The following PRKN variants were observed in gnomAD, a reference collection of about 807,000 sequenced individuals.
The protein encoded by PRKN is parkin RBR E3 ubiquitin protein ligase, also known as E3 ubiquitin-protein ligase parkin.
A neutral mutation model predicts 59.5 loss-of-function variants in PRKN; 56 were observed. The observed-to-expected ratio is 0.94, with a 90% CI of 0.76 to 1.18. The LOEUF is 1.18. PRKN is among the 50% of genes most tolerant of loss of function. The pLI, the probability that PRKN is intolerant of heterozygous loss-of-function variation, is 0.00. For missense variants in PRKN, 657 were observed against 596.4 expected, an observed-to-expected ratio of 1.10 and a Z score of -1.06; for synonymous variants, 250 against 222.1, an observed-to-expected ratio of 1.13 and a Z score of -1.12.
At chr6:161,866,506 C>T (rs148313416) in intron 6 of PRKN, among the ~76,000 whole-genome samples, 1,772 of 152,016 alleles carry the variant, frequency 0.012, 33 homozygotes, top group African/African-American at 0.041. Flanking sequence ...ACCCGGGAGG[C>T]GGAGCTTGCA....
chr6:162,701,896 A>G (rs1163075920), intron 1 of PRKN, among the ~76,000 whole-genome samples: 1 of 151,538 alleles, frequency 6.6e-6, no homozygotes, highest in Non-Finnish European at 1.5e-5. Context: ...CCCCCCCGAC[A>G]AAATGAAACC....
At chr6:161,863,038 T>C (rs973414929) in intron 6 of PRKN, among the ~76,000 whole-genome samples, 1 of 152,164 alleles carries the variant, frequency 6.6e-6, no homozygotes, top group Admixed American at 6.5e-5. Context: ...TCAAGCTGCT[T>C]TTGTGTTCAT....
rs138376973 is a variant in PRKN at position 161,846,079 on chromosome 6, G to C, written c.735-60171C>G. ...CCTCATCTAACAAAAGATAAAAATA[G>C]GCTCCAAGGCTGTTATGCTGAGAGT... is the stretch of plus-strand genomic sequence containing the variant. On this transcript the variant is annotated intron_variant, in intron 6 of 11. Transcript: ENST00000366898. 3.1e-3 allele frequency among the ~76,000 whole-genome samples: 467 copies of C among 152,232 alleles called. 1 individual carries two copies. Among genetic ancestry groups the C allele is most frequent in the Admixed American group, 6.7e-3 (103 of 15,296 alleles).
intron 9 of PRKN, among the ~76,000 whole-genome samples, chr6:161,519,440 T>C (rs900208781): frequency 6.6e-6 from 1 of 151,990 alleles, no homozygotes; most frequent in Non-Finnish European, 1.5e-5. Context: ...ATTTGATTAG[T>C]ATCAGGGTAG....
chr6:161,467,806 T>G lies in PRKN; in HGVS notation c.1084-80929A>C, dbSNP rs1790557168. Reference sequence around the variant, plus strand: ...TGATCAGTGAGCTGTGAGTAGAGGGTTTCCTGGGGATTCCAGGGAGCTACA... The same window carrying G: ...TGATCAGTGAGCTGTGAGTAGAGGGGTTCCTGGGGATTCCAGGGAGCTACA... On this transcript the variant is annotated intron_variant, in intron 9 of 11. Transcript: ENST00000366898. This position sits in a 1 kb window ranked among gnomAD's most constrained non-coding sequence, Gnocchi z 4.3. 6.6e-6 allele frequency among the ~76,000 whole-genome samples: 1 copy of G among 152,200 alleles called. No individual in the cohort carries two copies. Among genetic ancestry groups the G allele is most frequent in the Non-Finnish European group, 1.5e-5 (1 of 68,010 alleles).
intron 1 of PRKN, among the ~76,000 whole-genome samples, chr6:162,497,795 G>A (rs1397760797): frequency 6.6e-6 from 1 of 152,162 alleles, no homozygotes; most frequent in African/African-American, 2.4e-5. Flanking sequence ...AAAGAGGTTG[G>A]TTAATGGAAG....
intron 3 of PRKN, among the ~76,000 whole-genome samples, chr6:162,239,370 T>C (rs1778889962): frequency 6.6e-6 from 1 of 152,198 alleles, no homozygotes; most frequent in Non-Finnish European, 1.5e-5. Context: ...TTTAACTATT[T>C]TGTAATGCAA....
intron 7 of PRKN, among the ~76,000 whole-genome samples, chr6:161,616,753 G>A (rs532260159): frequency 6.6e-5 from 10 of 152,118 alleles, no homozygotes; most frequent in Non-Finnish European, 1.3e-4. Context: ...ACCCCCTTAA[G>A]GCTGCAAAGT....
intron 2 of PRKN, among the ~76,000 whole-genome samples, chr6:162,326,230 C>G (rs984643433): frequency 6.6e-6 from 1 of 152,024 alleles, no homozygotes; most frequent in Non-Finnish European, 1.5e-5. Flanking sequence ...ATTAAATACA[C>G]GAATCATAAA....
intron 1 of PRKN, among the ~76,000 whole-genome samples, chr6:162,723,161 C>T (rs1307157111): frequency 6.6e-6 from 1 of 152,132 alleles, no homozygotes; most frequent in Non-Finnish European, 1.5e-5. Context: ...TGGCAAGGGA[C>T]TTTTTCTGTT....
At chr6:162,109,186 G>T (rs1273698472) in intron 4 of PRKN, among the ~76,000 whole-genome samples, 1 of 152,200 alleles carries the variant, frequency 6.6e-6, no homozygotes, top group Non-Finnish European at 1.5e-5. Context: ...CATATGGAAA[G>T]CTGCTTCCAG....
At chr6:161,437,503 A>T (rs1788979630) in intron 9 of PRKN, among the ~76,000 whole-genome samples, 1 of 152,190 alleles carries the variant, frequency 6.6e-6, no homozygotes, top group Non-Finnish European at 1.5e-5. Flanking sequence ...ACCATGGATA[A>T]GCGGGGACTC....
chr6:162,441,469 C>T (rs981540797), intron 2 of PRKN, among the ~76,000 whole-genome samples: 1 of 152,136 alleles, frequency 6.6e-6, no homozygotes, highest in Non-Finnish European at 1.5e-5. Context: ...TGGTGACTTC[C>T]AACCAGATGT....
chr6:161,874,600 AAT>A (rs1345461341), intron 6 of PRKN, among the ~76,000 whole-genome samples: 2 of 114,442 alleles, frequency 1.7e-5, no homozygotes, highest in South Asian at 2.9e-4. Flanking sequence ...TTGTATGTAA[AAT>A]ATATATTACA....
intron 1 of PRKN, among the ~76,000 whole-genome samples, chr6:162,464,690 G>A (rs1014119414): frequency 7.3e-5 from 11 of 150,392 alleles, no homozygotes; most frequent in Non-Finnish European, 1.5e-4. Context: ...TTAGCCAGGC[G>A]TGGTGGCGGG....
At position 161,350,187 on chromosome 6, in the gene PRKN, G is replaced by T; in HGVS notation, c.1310C>A (p.Pro437Gln). 1 of 1,613,318 alleles carries T rather than the reference G, an allele frequency of 6.2e-7. No individual in the cohort carries two copies. Among genetic ancestry groups the T allele is most frequent in the African/African-American group, 1.3e-5 (1 of 75,008 alleles). ...KNGGCMHMKCPQPQCRLEWCW... is the reference protein window; with the variant it reads ...KNGGCMHMKCQQPQCRLEWCW... Reference sequence around the variant, plus strand: ...CCACTCGAGCCTGCACTGGGGCTGCGGACACTTCATGTGCATGCAGCCTCC... The same window carrying T: ...CCACTCGAGCCTGCACTGGGGCTGCTGACACTTCATGTGCATGCAGCCTCC... The change falls in exon 12 of 12, where the codon CCG (proline) becomes CAG (glutamine). Residue 437 changes from proline to glutamine, a missense_variant. Physicochemically the swap from Pro to Gln is moderately conservative, Grantham distance 76. Transcript: ENST00000366898.
intron 7 of PRKN, among the ~76,000 whole-genome samples, chr6:161,695,395 C>T (rs540902294): frequency 6.6e-6 from 1 of 152,266 alleles, no homozygotes; most frequent in East Asian, 1.9e-4. Flanking sequence ...GGTTCTTCCG[C>T]TCCTAACACT....
chr6:161,518,853 C>T lies in PRKN; in HGVS notation c.1083+30001G>A, dbSNP rs1778712905. Among the ~76,000 whole-genome samples the T allele has an allele frequency of 6.6e-6, 1 of 152,188 alleles. No individual in the cohort carries two copies. The highest frequency in any genetic ancestry group is 6.5e-5 in the Admixed American group (1 of 15,284). ...CTGAATTGAGTCAAATAGAAAGCAGCTCTCACTCAGAGAGCAGCCCTCCAC... is the reference window on the plus strand; with the variant it reads ...CTGAATTGAGTCAAATAGAAAGCAGTTCTCACTCAGAGAGCAGCCCTCCAC... On this transcript the variant is annotated intron_variant, in intron 9 of 11. Coordinates refer to ENST00000366898, the MANE Select transcript of PRKN (RefSeq NM_004562.3). The surrounding 1 kb of genome is among the most constrained non-coding windows in gnomAD (Gnocchi z 5.0).
At chr6:162,472,330 A>G (rs777987955) in intron 1 of PRKN, among the ~76,000 whole-genome samples, 4 of 149,544 alleles carry the variant, frequency 2.7e-5, no homozygotes, top group Non-Finnish European at 1.5e-5. Flanking sequence ...CATTAGGTAT[A>G]TCTCCTAATG....
Sources: allele counts gnomAD v4.1 joint callset (sites outside exome capture counted in the v4.1 genomes callset), GRCh38; gene constraint gnomAD v4.1.1; non-coding constraint Gnocchi (gnomAD v3.1); transcripts MANE v1.5; gene names NCBI Gene and HGNC (gene_info 2026-07-23, HGNC 2026-07-21).